The following SPATS2L variants were observed in gnomAD, a reference collection of about 807,000 sequenced individuals.
SPATS2L encodes the protein spermatogenesis associated serine rich 2 like.
A neutral mutation model predicts 59.6 loss-of-function variants in SPATS2L; 30 were observed. The ratio of observed to expected loss-of-function variants is 0.50; its 90% CI spans 0.38 to 0.68. SPATS2L has a LOEUF of 0.68. SPATS2L is among the 30% of genes least tolerant of loss of function. The probability of loss-of-function intolerance (pLI) is 0.00; values close to 1 mark genes in which losing one functional copy is unlikely to be tolerated. For synonymous variants in SPATS2L, 252 were observed against 263.5 expected (o/e 0.96, Z 0.42); for missense variants, 615 against 700.0 (o/e 0.88, Z 1.37).
chr2:200,437,951 C>G (rs988189931), intron 6 of SPATS2L, among the ~76,000 whole-genome samples: 2 of 152,064 alleles, frequency 1.3e-5, no homozygotes, highest in African/African-American at 4.8e-5. Flanking sequence ...CTACAGAAAG[C>G]CATCGAGCCA....
intron 6 of SPATS2L, among the ~76,000 whole-genome samples, chr2:200,433,329 G>A (rs532447029): frequency 2.9e-4 from 44 of 152,008 alleles, no homozygotes; most frequent in Non-Finnish European, 5.3e-4. Context: ...ACCAACTTGA[G>A]CCAATTGATA....
chr2:200,396,290 G>GTTATAGAGGTAAA (rs1282395185), intron 3 of SPATS2L, among the ~76,000 whole-genome samples: 2 of 151,590 alleles, frequency 1.3e-5, no homozygotes, highest in East Asian at 3.9e-4. Flanking sequence ...AACTGTTACA[G>GTTATAGAGGTAAA]TTATAGAGGT....
intron 2 of SPATS2L, among the ~76,000 whole-genome samples, chr2:200,367,169 C>T (rs1050212163): frequency 2.0e-5 from 3 of 151,968 alleles, no homozygotes; most frequent in African/African-American, 7.3e-5. Flanking sequence ...ATTTTCTTGC[C>T]CTGTACAGAA....
chr2:200,405,890 C>T (rs1459883335), intron 3 of SPATS2L, among the ~76,000 whole-genome samples: 1 of 152,206 alleles, frequency 6.6e-6, no homozygotes, highest in East Asian at 1.9e-4. Flanking sequence ...CTCTGCCTGG[C>T]ACCCAGGAGG....
At position 200,352,313 on chromosome 2, in the gene SPATS2L, T is replaced by TATATA. The variant is rs1559060459; in HGVS notation, c.-23+22833_-23+22834insATATA. Among the ~76,000 whole-genome samples, 5 of 8,646 alleles carry TATATA rather than the reference T, an allele frequency of 5.8e-4. 1 individual carries two copies. The highest frequency in any genetic ancestry group is 5.9e-4 in the Non-Finnish European group (1 of 1,698). The allele number at this position is 8,646 out of a possible 152,430, so 5.7% of individuals were successfully genotyped here. On this transcript the variant is annotated intron_variant, in intron 2 of 12. Transcript: ENST00000409140. ...TTTGAGGCTATATAACCAGCAGTTT[T>TATATA]TATATATATATATATATATATATAT... is the stretch of plus-strand genomic sequence containing the variant.
At chr2:200,368,439 C>A (rs867461863) in intron 2 of SPATS2L, among the ~76,000 whole-genome samples, 6 of 152,128 alleles carry the variant, frequency 3.9e-5, no homozygotes, top group Non-Finnish European at 8.8e-5. Flanking sequence ...AAAATGGGGT[C>A]TCAGATACTA....
chr2:200,403,676 T>C (rs2082601680), intron 3 of SPATS2L, among the ~76,000 whole-genome samples: 1 of 152,166 alleles, frequency 6.6e-6, no homozygotes, highest in East Asian at 1.9e-4. Context: ...AATCTACCAC[T>C]ACATTTCTTA....
At chr2:200,362,933 A>G (rs935132070) in intron 2 of SPATS2L, among the ~76,000 whole-genome samples, 5 of 152,148 alleles carry the variant, frequency 3.3e-5, no homozygotes, top group African/African-American at 1.2e-4. Flanking sequence ...CCAGGAATAT[A>G]TTTTGCTACT....
At chr2:200,306,005 G>A, upstream of SPATS2L, 1 of 984,458 alleles carries the variant, frequency 1.0e-6, no homozygotes. Context: ...CACGGCTGAA[G>A]CCCACGATGC....
chr2:200,444,605 T>G (rs2084911155), intron 8 of SPATS2L, among the ~76,000 whole-genome samples: 1 of 152,168 alleles, frequency 6.6e-6, no homozygotes, highest in African/African-American at 2.4e-5. Context: ...AAGCATGTAT[T>G]CTGTACCAGT....
intron 1 of SPATS2L, 52 bp downstream of exon 1, chr2:200,306,974 G>A (rs1035003453): frequency 1.0e-6 from 1 of 983,044 alleles, no homozygotes; most frequent in Non-Finnish European, 1.2e-6. Context: ...CAGGGCGCGG[G>A]CGGACGCGGA....
intron 9 of SPATS2L, among the ~76,000 whole-genome samples, chr2:200,466,046 T>C (rs2086579479): frequency 6.6e-6 from 1 of 152,164 alleles, no homozygotes; most frequent in South Asian, 2.1e-4. Context: ...CAAAAGAAGA[T>C]AATGCCTTTC....
chr2:200,372,831 A>T (rs2081473158), intron 2 of SPATS2L, among the ~76,000 whole-genome samples: 1 of 152,104 alleles, frequency 6.6e-6, no homozygotes, highest in African/African-American at 2.4e-5. Flanking sequence ...AATAATACCT[A>T]CATGCAGATA....
At chr2:200,392,811 A>T (rs890454307) in intron 3 of SPATS2L, among the ~76,000 whole-genome samples, 4 of 152,086 alleles carry the variant, frequency 2.6e-5, no homozygotes, top group African/African-American at 4.8e-5. Context: ...ACACTGGGAG[A>T]ACTAAGTGGG....
intron 6 of SPATS2L, among the ~76,000 whole-genome samples, chr2:200,420,768 T>A (rs537044257): frequency 5.1e-4 from 77 of 152,216 alleles, no homozygotes; most frequent in African/African-American, 1.1e-3. Flanking sequence ...ATATATATAT[T>A]TTTTTAAAAT....
At chr2:200,422,887 C>G (rs1163148774) in intron 6 of SPATS2L, among the ~76,000 whole-genome samples, 4 of 151,674 alleles carry the variant, frequency 2.6e-5, no homozygotes, top group Non-Finnish European at 5.9e-5. Flanking sequence ...TTCTTGCTCT[C>G]TCTCTCTCAA....
chr2:200,401,488 G>T (rs1011221539), intron 3 of SPATS2L, among the ~76,000 whole-genome samples: 2 of 152,096 alleles, frequency 1.3e-5, no homozygotes, highest in African/African-American at 4.8e-5. Context: ...TGGTATTTTT[G>T]AAATTATAAT....
intron 2 of SPATS2L, among the ~76,000 whole-genome samples, chr2:200,370,512 A>G (rs1477804368): frequency 6.6e-6 from 1 of 152,214 alleles, no homozygotes; most frequent in African/African-American, 2.4e-5. Flanking sequence ...GAGGGTAACC[A>G]GTATAGACTC....
chr2:200,364,604 T>C (rs13402340), intron 2 of SPATS2L, among the ~76,000 whole-genome samples: 40 of 152,318 alleles, frequency 2.6e-4, no homozygotes, highest in African/African-American at 9.4e-4. Flanking sequence ...TCTCAGAAGA[T>C]GTTTTTATTT....
Sources: allele counts gnomAD v4.1 joint callset (sites outside exome capture counted in the v4.1 genomes callset), GRCh38; gene constraint gnomAD v4.1.1; transcripts MANE v1.5; gene names NCBI Gene and HGNC (gene_info 2026-07-23, HGNC 2026-07-21).